FOXD4: variants seen among roughly 807,000 people sequenced by gnomAD.
FOXD4 encodes the protein forkhead box D4, also known as forkhead box protein D4.
A neutral mutation model predicts 26.5 loss-of-function variants in FOXD4; 22 were observed. The observed-to-expected ratio is 0.83, with a 90% confidence interval of 0.59 to 1.18. The LOEUF (loss-of-function observed/expected upper bound fraction) is 1.18. Among genes scored for constraint, FOXD4 ranks in the 50% most tolerant of loss-of-function variants. The pLI is 0.00. For missense variants in FOXD4, 625 were observed against 605.8 expected, an observed-to-expected ratio of 1.03 and a Z score of -0.33; for synonymous variants, 258 against 273.7, an observed-to-expected ratio of 0.94 and a Z score of 0.57.
At position 116,652 on chromosome 9, in the gene FOXD4, G is replaced by C; in HGVS notation, c.*148C>G. 1 of 1,314,404 alleles carries C rather than the reference G, an allele frequency of 7.6e-7. No individual in the cohort carries two copies. 81.4% of individuals were successfully genotyped at this position (1,314,404 alleles called of 1,614,324 possible). On this transcript the variant is annotated 3_prime_UTR_variant, in exon 1 of 1. Transcript: ENST00000382500. The stretch of plus-strand genomic sequence containing the variant: ...GGTTACGTTCAGGTGGTTTTTAGAG[G>C]AACGTAATCCAGCTGTTTCTTTCTA...
rs1777340085 is a variant in FOXD4, at chr9:118,211, G to A, written c.-92C>T. ...TGGAAGCCCGGGATGAATGTTGCAA[G>A]AAGCAGGAACGCTAGTGGTTACCCT... On this transcript the variant is annotated 5_prime_UTR_variant, in exon 1 of 1. Coordinates refer to ENST00000382500, the MANE Select transcript of FOXD4 (RefSeq NM_207305.5). The A allele has an allele frequency of 6.2e-7, 1 of 1,609,404 alleles. No individual in the cohort carries two copies. The highest frequency in any genetic ancestry group is 1.1e-5 in the South Asian group (1 of 90,882).
chr9:117,188 C>T lies in FOXD4; in HGVS notation c.932G>A (p.Arg311His), dbSNP rs376642260. ...LSLGRRARVW[R>H]RHREADASLS... ...AGATGCATCCGCCTCCCGGTGGCGA[C>T]GCCAGACCCTTGCCCTCCTCCCAAG... Residue 311 changes from arginine (R) to histidine (H), a missense_variant, in exon 1 of 1, where the codon CGT (arginine) becomes CAT (histidine). Physicochemically the swap from Arg to His is conservative, Grantham distance 29 (BLOSUM62 0). Transcript: ENST00000382500. The T allele has an allele frequency of 2.9e-4, 462 of 1,610,726 alleles. 1 individual carries two copies. The highest frequency in any genetic ancestry group is 3.7e-4 in the Non-Finnish European group (439 of 1,179,858).
chr9:117,754 GT>G, the FOXD4 span: 2 of 1,613,296 alleles, frequency 1.2e-6, no homozygotes, highest in Non-Finnish European at 1.7e-6. Context: ...TGAGGCGCTT[GT>G]GCGGGCTTTG....
chr9:117,680 G>GCC, the FOXD4 span: 14 of 1,613,034 alleles, frequency 8.7e-6, no homozygotes, highest in South Asian at 5.5e-5. Context: ...GTTCTGCCAG[G>GCC]CGGGGAACTT....
rs1191655692 is a variant in FOXD4 at position 116,761 on chromosome 9, A to G, written c.*39T>C. ...GCCCAGTATGGGCCGCGCAAGGTGG[A>G]GTGAGCAGCTGCGGGTCGCTCCCCA... On this transcript the variant is annotated 3_prime_UTR_variant, in exon 1 of 1. Coordinates refer to ENST00000382500, the MANE Select transcript of FOXD4 (RefSeq NM_207305.5). 28 of 1,556,268 alleles carry G rather than the reference A, an allele frequency of 1.8e-5. No individual in the cohort carries two copies. The highest frequency in any genetic ancestry group is 7.4e-5 in the Admixed American group (4 of 53,946).
Position 118,063 on chromosome 9 carries a change from G to A in FOXD4, c.57C>T (p.Asp19=), listed in dbSNP as rs1819422011. Reference sequence around the variant, plus strand: ...CGATTTTACCGTCTTCCCCATCGGAGTCCCGGAGGCTGCGCTGCGGTGTGG... The same window carrying A: ...CGATTTTACCGTCTTCCCCATCGGAATCCCGGAGGCTGCGCTGCGGTGTGG... ...LRSTPQRSLR[D]SDGEDGKIDV... Residue 19 remains aspartate (D), a synonymous_variant, in exon 1 of 1, where the codon GAC becomes GAT. Transcript: ENST00000382500. The A allele has an allele frequency of 1.9e-6, 3 of 1,611,884 alleles. No homozygotes were observed. In the South Asian group the frequency reaches 3.3e-5, roughly 18 times the overall value.
At position 116,509 on chromosome 9, in the gene FOXD4, T is replaced by C. The variant is rs567703051; in HGVS notation, c.*291A>G. On this transcript the variant is annotated 3_prime_UTR_variant, in exon 1 of 1. Coordinates refer to ENST00000382500, the MANE Select transcript of FOXD4 (RefSeq NM_207305.5). The stretch of plus-strand genomic sequence containing the variant: ...TTTTTGTTTGCTTGCTTGTTTTTCT[T>C]TTAATGCCAGAACAAAATACCCCAC... The C allele has an allele frequency of 6.7e-5, 36 of 535,576 alleles. No homozygotes were observed. In the African/African-American group the frequency reaches 6.8e-4, roughly 10 times the overall value. 33.2% of individuals were successfully genotyped at this position (535,576 alleles called of 1,614,324 possible).
Position 116,934 on chromosome 9 carries a change from G to A in FOXD4, c.1186C>T (p.Leu396=). 1 of 1,611,238 alleles carries A rather than the reference G, an allele frequency of 6.2e-7. No homozygotes were observed. The highest frequency in any genetic ancestry group is 8.5e-7 in the Non-Finnish European group (1 of 1,179,384). Residue 396 remains leucine (L), a synonymous_variant, in exon 1 of 1, where the codon CTG becomes TTG. Transcript: ENST00000382500. ...GGHLSAASAL[L]RYQAVAEGSG... ...CCCTCTGCCACCGCCTGATACCGCA[G>A]CAGCGCCGACGCGGCCGACAGGTGC...
the FOXD4 span, chr9:117,814 CG>C: frequency 6.2e-7 from 1 of 1,612,838 alleles, no homozygotes; most frequent in East Asian, 2.2e-5. Context: ...GGGGCTTTGC[CG>C]GCTGCCGGGC....
At position 117,278 on chromosome 9, in the gene FOXD4, G is replaced by A. The variant is rs775673609; in HGVS notation, c.842C>T (p.Ala281Val). Residue 281 changes from alanine (A) to valine (V), a missense_variant, in exon 1 of 1, where the codon GCA becomes GTA. Transcript: ENST00000382500. The stretch of plus-strand genomic sequence containing the variant: ...CGGGGTCGCCAGGTCCGCGCCTTCT[G>A]CTTTCTTCGGTGCCCCGGCATAGGC... ...APAYAGAPKKAEGADLATPAP... is the reference protein window; with the variant it reads ...APAYAGAPKKVEGADLATPAP... The A allele has an allele frequency of 2.5e-6, 4 of 1,605,866 alleles. No homozygotes were observed. The highest frequency in any genetic ancestry group is 3.4e-6 in the Non-Finnish European group (4 of 1,179,822).
In FOXD4 at chr9:116,456, G is replaced by A. The variant is rs1301300562; in HGVS notation, c.*344C>T. The A allele has an allele frequency of 6.9e-6, 3 of 434,032 alleles. No individual in the cohort carries two copies. Among genetic ancestry groups the A allele is most frequent in the African/African-American group, 2.0e-5 (1 of 49,290 alleles). The allele number at this position is 434,032 out of a possible 1,614,324, so 26.9% of individuals were successfully genotyped here. ...TCCAGTTCCAAGGAAGTGAAGAAGG[G>A]GGAACATGTTTGGCATCGGAGGCTG... On this transcript the variant is annotated 3_prime_UTR_variant, in exon 1 of 1. Coordinates refer to ENST00000382500, the MANE Select transcript of FOXD4 (RefSeq NM_207305.5).
rs1213252672 is a variant in FOXD4, at chr9:116,775, G to A, written c.*25C>T. ...GCGCAAGGTGGAGTGAGCAGCTGCGGGTCGCTCCCCACTCCCACCTGGCTC... is the reference window on the plus strand; with the variant it reads ...GCGCAAGGTGGAGTGAGCAGCTGCGAGTCGCTCCCCACTCCCACCTGGCTC... On this transcript the variant is annotated 3_prime_UTR_variant, in exon 1 of 1. Transcript: ENST00000382500. 1.3e-6 allele frequency: 2 copies of A among 1,572,430 alleles called. No homozygotes were observed. The highest frequency in any genetic ancestry group is 8.6e-7 in the Non-Finnish European group (1 of 1,160,380).
Position 117,181 on chromosome 9 carries a change from G to A in FOXD4, c.939C>T (p.His313=), listed in dbSNP as rs1215383422. The part of the protein sequence containing the change: ...LGRRARVWRR[H]READASLSAL... Reference sequence around the variant, plus strand: ...CTGAAAGAGATGCATCCGCCTCCCGGTGGCGACGCCAGACCCTTGCCCTCC... The same window carrying A: ...CTGAAAGAGATGCATCCGCCTCCCGATGGCGACGCCAGACCCTTGCCCTCC... The change falls in exon 1 of 1, where the codon CAC becomes CAT. Residue 313 remains histidine (H), a synonymous_variant. Coordinates refer to ENST00000382500, the MANE Select transcript of FOXD4 (RefSeq NM_207305.5). The A allele has an allele frequency of 1.9e-6, 3 of 1,610,938 alleles. No homozygotes were observed. Among genetic ancestry groups the A allele is most frequent in the East Asian group, 4.5e-5 (2 of 44,902 alleles).
At position 117,287 on chromosome 9, in the gene FOXD4, G is replaced by T. The variant is rs1351717707; in HGVS notation, c.833C>A (p.Pro278Gln). The T allele has an allele frequency of 1.9e-6, 3 of 1,604,768 alleles. No homozygotes were observed. Among genetic ancestry groups the T allele is most frequent in the Non-Finnish European group, 2.5e-6 (3 of 1,179,796 alleles). The change falls in exon 1 of 1, where the codon CCG becomes CAG. Residue 278 changes from proline to glutamine, a missense_variant. This residue lies in a region of FOXD4 where 92 missense variants were observed against 144.2 expected (regional missense o/e 0.64). Coordinates refer to ENST00000382500, the MANE Select transcript of FOXD4 (RefSeq NM_207305.5). The stretch of plus-strand genomic sequence containing the variant: ...CAGGTCCGCGCCTTCTGCTTTCTTC[G>T]GTGCCCCGGCATAGGCGGGGGCCGA... Reference protein sequence around the residue: ...LLSAPAYAGAPKKAEGADLAT... With the variant: ...LLSAPAYAGAQKKAEGADLAT...
At chr9:117,641 T>TC in the FOXD4 span, 1 of 1,613,796 alleles carries the variant, frequency 6.2e-7, no homozygotes, top group African/African-American at 1.3e-5. Context: ...GACGAAGCAG[T>TC]CGTTCAGCGA....
rs199938577 is a variant in FOXD4 at position 117,372 on chromosome 9, C to G, written c.748G>C (p.Gly250Arg). Residue 250 changes from glycine (G) to arginine (R), a missense_variant, in exon 1 of 1, where the codon GGC (glycine) becomes CGC (arginine). Coordinates refer to ENST00000382500, the MANE Select transcript of FOXD4 (RefSeq NM_207305.5). ...QPVPGAYPNT[G>R]PGRRPYALLH... ...AGAGCGTAAGGGCGTCTCCCGGGGC[C>G]GGTGTTGGGGTAGGCCCCCGGGACT... 46 of 988,566 alleles carry G rather than the reference C, an allele frequency of 4.7e-5. 1 individual carries two copies. Among genetic ancestry groups the G allele is most frequent in the African/African-American group, 2.2e-4 (8 of 36,080 alleles). The allele number at this position is 988,566 out of a possible 1,614,324, so 61.2% of individuals were successfully genotyped here. A position where few individuals can be genotyped will look rare whatever the true frequency, so the allele number is the denominator to read the frequency against.
rs375071168 is a variant in FOXD4 at position 118,144 on chromosome 9, G to C, written c.-25C>G. On this transcript the variant is annotated 5_prime_UTR_variant, in exon 1 of 1. Transcript: ENST00000382500. ...TGGCGGAGCAGGTGCTTCAGTCGCAGGGGATGTGGCGGCCGGATCACCTGG... is the reference window on the plus strand; with the variant it reads ...TGGCGGAGCAGGTGCTTCAGTCGCACGGGATGTGGCGGCCGGATCACCTGG... 9.7e-5 allele frequency: 156 copies of C among 1,607,452 alleles called. No individual in the cohort carries two copies. The African/African-American group carries it at 1.9e-3, about 20-fold the overall frequency.
the FOXD4 span, chr9:117,519 G>A: frequency 6.2e-7 from 1 of 1,611,980 alleles, no homozygotes; most frequent in Non-Finnish European, 8.5e-7. Flanking sequence ...TGGTGGCGCT[G>A]GAAACGCTTC....
Position 116,395 on chromosome 9 carries a change from G to A in FOXD4, c.*405C>T. 1 of 281,156 alleles carries A rather than the reference G, an allele frequency of 3.6e-6. No homozygotes were observed. The highest frequency in any genetic ancestry group is 7.3e-6 in the Non-Finnish European group (1 of 137,554). 17.4% of individuals were successfully genotyped at this position (281,156 alleles called of 1,614,324 possible). Reference sequence around the variant, plus strand: ...CATCCCTATCAGGAAGACACAGAGAGTAGAAGCATTTTGCACTAGACTTAG... The same window carrying A: ...CATCCCTATCAGGAAGACACAGAGAATAGAAGCATTTTGCACTAGACTTAG... On this transcript the variant is annotated 3_prime_UTR_variant, in exon 1 of 1. Coordinates refer to ENST00000382500, the MANE Select transcript of FOXD4 (RefSeq NM_207305.5).
Sources: gnomAD v4.1 joint callset for allele counts on GRCh38, gnomAD v4.1.1 for gene constraint, gnomAD v4.1.1 regional missense constraint, MANE v1.5 for transcripts, NCBI Gene and HGNC (gene_info 2026-07-23, HGNC 2026-07-21) for gene names.